UBAP1L: variants seen among roughly 807,000 people sequenced by gnomAD.
UBAP1L encodes the protein ubiquitin associated protein 1 like, also known as ubiquitin-associated protein 1-like.
A neutral mutation model predicts 32.1 loss-of-function variants in UBAP1L; 32 were observed. The ratio of observed to expected loss-of-function variants is 1.00; its 90% CI spans 0.75 to 1.34. The LOEUF is 1.34. Ranked by LOEUF, UBAP1L falls within the 40% of genes most tolerant of loss-of-function variation. The probability of loss-of-function intolerance (pLI) is 0.00; values close to 1 mark genes in which losing one functional copy is unlikely to be tolerated. For synonymous variants in UBAP1L, 243 were observed against 250.2 expected (o/e 0.97, Z 0.27); for missense variants, 516 against 540.5 (o/e 0.95, Z 0.45).
intron 3 of UBAP1L, 174 bp from the exon 4 acceptor site, chr15:65,099,888 T>G (rs1341226994): frequency 1.8e-6 from 1 of 566,468 alleles, no homozygotes; most frequent in Non-Finnish European, 3.1e-6. Context: ...CTCAGTATAC[T>G]CATATGAAAA....
At chr15:65,097,373 G>GT (rs1226444880) in intron 4 of UBAP1L, 1 of 152,314 alleles carries the variant, frequency 6.6e-6, no homozygotes, top group Non-Finnish European at 1.5e-5. Context: ...TGGCTTTTCA[G>GT]TATCATCCGA....
At chr15:65,113,621 G>A (rs1305399288) in intron 1 of UBAP1L, among the ~76,000 whole-genome samples, 1 of 152,084 alleles carries the variant, frequency 6.6e-6, no homozygotes, top group Non-Finnish European at 1.5e-5. Context: ...AGTGGCACAC[G>A]CCTGTACTCA....
Position 65,102,454 on chromosome 15 carries a change from AGAG to A in UBAP1L, c.348_350del (p.Ser117del). On this transcript the variant is annotated inframe_deletion, in exon 3 of 6. Transcript: ENST00000559089. This position sits in a 1 kb window ranked among gnomAD's most constrained non-coding sequence, Gnocchi z 5.0. Reference sequence around the variant, plus strand: ...TGGGGGCCGGCTCTTCCTCGCTGCCAGAGGAGGCTTCTGCCTCGTCCTCACCCT... The same window carrying A: ...TGGGGGCCGGCTCTTCCTCGCTGCCAGAGGCTTCTGCCTCGTCCTCACCCT... 1.4e-6 allele frequency: 2 copies of A among 1,424,382 alleles called. No individual in the cohort carries two copies. Among genetic ancestry groups the A allele is most frequent in the South Asian group, 3.0e-5 (2 of 66,588 alleles). 88.2% of individuals were successfully genotyped at this position (1,424,382 alleles called of 1,614,324 possible).
intron 2 of UBAP1L, among the ~76,000 whole-genome samples, chr15:65,103,210 A>C (rs1436689230): frequency 1.3e-5 from 2 of 152,152 alleles, no homozygotes; most frequent in Admixed American, 6.5e-5. Context: ...AACTCTACTT[A>C]GTATGGTCTA....
chr15:65,106,842 C>T (rs539810717), intron 1 of UBAP1L, among the ~76,000 whole-genome samples: 3 of 151,976 alleles, frequency 2.0e-5, no homozygotes, highest in East Asian at 1.9e-4. Flanking sequence ...GGTTTCACCA[C>T]GTTGGCCAGG....
chr15:65,102,266 C>G lies in UBAP1L; in HGVS notation c.539G>C (p.Gly180Ala). 7.5e-7 allele frequency: 1 copy of G among 1,326,662 alleles called. No homozygotes were observed. The highest frequency in any genetic ancestry group is 9.6e-7 in the Non-Finnish European group (1 of 1,043,804). The allele number at this position is 1,326,662 out of a possible 1,614,324, so 82.2% of individuals were successfully genotyped here. ...RPRALLHGLR[G>A]HRALSLCPSP... ...CGGGCACAGGCTCAGCGCGCGGTGG[C>G]CGCGGAGGCCATGCAGGAGGGCGCG... Residue 180 changes from glycine (G) to alanine (A), a missense_variant, in exon 3 of 6, where the codon GGC becomes GCC. By Grantham distance (60) the Gly-to-Ala change is moderately conservative. Coordinates refer to ENST00000559089, the MANE Select transcript of UBAP1L (RefSeq NM_001163692.2). This position sits in a 1 kb window ranked among gnomAD's most constrained non-coding sequence, Gnocchi z 5.0.
intron 4 of UBAP1L, chr15:65,098,442 A>C (rs1046788654): frequency 6.6e-6 from 1 of 152,180 alleles, no homozygotes; most frequent in African/African-American, 2.4e-5. Context: ...TTCTTGTGGT[A>C]GACTGAGAAT....
intron 1 of UBAP1L, among the ~76,000 whole-genome samples, chr15:65,111,191 G>A (rs1000494837): frequency 5.3e-5 from 8 of 152,234 alleles, no homozygotes; most frequent in Admixed American, 5.2e-4. Context: ...TAAATTATCT[G>A]CCCCATCAGC....
At chr15:65,098,541 G>A (rs986643152) in intron 4 of UBAP1L, 2 of 152,084 alleles carry the variant, frequency 1.3e-5, no homozygotes, top group African/African-American at 4.8e-5. Flanking sequence ...AACATGCTTT[G>A]ACCAATAGAA....
rs1441719842 is a variant in UBAP1L, at chr15:65,106,111, A to G, written c.105T>C (p.Val35=). Residue 35 remains valine (V), a synonymous_variant, in exon 2 of 6, where the codon GTT becomes GTC. Transcript: ENST00000559089. ...PELSVPACGE[V]LLGSMHDFSL... ...ACACACTTACCATAGAACCCAGCAGAACTTCCCCGCAGGCCGGGACGCTGA... is the reference window on the plus strand; with the variant it reads ...ACACACTTACCATAGAACCCAGCAGGACTTCCCCGCAGGCCGGGACGCTGA... The G allele has an allele frequency of 2.6e-6, 4 of 1,551,278 alleles. No homozygotes were observed. The highest frequency in any genetic ancestry group is 3.5e-6 in the Non-Finnish European group (4 of 1,146,932).
intron 1 of UBAP1L, among the ~76,000 whole-genome samples, chr15:65,114,685 C>T (rs2087391668): frequency 6.6e-6 from 1 of 152,204 alleles, no homozygotes; most frequent in Admixed American, 6.5e-5. Context: ...AATAAAAAAT[C>T]ATTTCCCATA....
intron 2 of UBAP1L, chr15:65,104,942 G>C (rs4776257): frequency 0.78 from 304,963 of 392,636 alleles, 122,212 homozygotes; most frequent in East Asian, 0.91. Flanking sequence ...AGGAGTCGGA[G>C]GTTGCAGTGA....
At chr15:65,095,534 T>C (rs1353753486) in intron 4 of UBAP1L, 2 of 152,252 alleles carry the variant, frequency 1.3e-5, no homozygotes, top group African/African-American at 2.4e-5. Context: ...GTTTATAAAA[T>C]GAATGAAGAC....
At chr15:65,099,318 AG>A in intron 4 of UBAP1L, 186 bp downstream of exon 4, 1 of 607,136 alleles carries the variant, frequency 1.6e-6, no homozygotes, top group Non-Finnish European at 2.9e-6. Flanking sequence ...TGATTGAGGC[AG>A]GGGTATAAAG....
intron 1 of UBAP1L, 76 bp from the exon 2 acceptor site, chr15:65,106,464 T>C (rs997028656): frequency 4.8e-6 from 2 of 412,790 alleles, no homozygotes; most frequent in Non-Finnish European, 8.5e-6. Context: ...ATTTCAGTCA[T>C]GCTCTAGACC....
At chr15:65,103,349 C>A (rs565186420) in intron 2 of UBAP1L, among the ~76,000 whole-genome samples, 19 of 152,196 alleles carry the variant, frequency 1.2e-4, no homozygotes, top group African/African-American at 4.3e-4. Flanking sequence ...TTCTCCACTT[C>A]GTATCAGACC....
At position 65,107,969 on chromosome 15, in the gene UBAP1L, C is replaced by CT. The variant is rs58147209; in HGVS notation, c.-173-1582dup. Among the ~76,000 whole-genome samples the CT allele has an allele frequency of 2.8e-4, 41 of 147,818 alleles. 1 individual carries two copies. The highest frequency in any genetic ancestry group is 3.7e-4 in the African/African-American group (15 of 40,466). On this transcript the variant is annotated intron_variant, in intron 1 of 5. Coordinates refer to ENST00000559089, the MANE Select transcript of UBAP1L (RefSeq NM_001163692.2). ...CATCCCATGTATCAAAATTCCATCACTTTTTTTTTTGGTAGAAATTGGCAA... is the reference window on the plus strand; with the variant it reads ...CATCCCATGTATCAAAATTCCATCACTTTTTTTTTTTGGTAGAAATTGGCAA...
At chr15:65,103,846 G>A (rs2087272341) in intron 2 of UBAP1L, among the ~76,000 whole-genome samples, 1 of 152,190 alleles carries the variant, frequency 6.6e-6, no homozygotes, top group African/African-American at 2.4e-5. Context: ...TACTTGGAGA[G>A]AAAGAAGCTA....
intron 1 of UBAP1L, among the ~76,000 whole-genome samples, chr15:65,109,676 T>C (rs1389350739): frequency 6.6e-6 from 1 of 152,100 alleles, no homozygotes; most frequent in Non-Finnish European, 1.5e-5. Context: ...TAATATGCAC[T>C]TTACAAAAGA....
Sources: allele counts gnomAD v4.1 joint callset (sites outside exome capture counted in the v4.1 genomes callset), GRCh38; gene constraint gnomAD v4.1.1; non-coding constraint Gnocchi (gnomAD v3.1); transcripts MANE v1.5; gene names NCBI Gene and HGNC (gene_info 2026-07-23, HGNC 2026-07-21).